The following SLIT2 variants were observed in gnomAD, a reference collection of about 807,000 sequenced individuals.
SLIT2 encodes slit guidance ligand 2.
SLIT2 carries 41 observed loss-of-function variants against 185.7 expected under a neutral mutation model. The ratio of observed to expected loss-of-function variants is 0.22; its 90% confidence interval spans 0.17 to 0.29. The LOEUF is 0.29. SLIT2 is among the 10% of genes least tolerant of loss of function. SLIT2 has a pLI of 1.00. For missense variants in SLIT2, 1,571 were observed against 1,909.0 expected (o/e 0.82, Z 3.30); for synonymous variants, 693 against 680.2 (o/e 1.02, Z -0.29).
Position 20,356,683 on chromosome 4 carries a change from C to G in SLIT2, c.395+87802C>G, listed in dbSNP as rs180774149. ...GTTAATCTTAGAAAAAGGATAAACA[C>G]ACACAGTGTATTTCTGCAGACTCCC... On this transcript the variant is annotated intron_variant, in intron 4 of 36. Transcript: ENST00000504154. 5.9e-5 allele frequency among the ~76,000 whole-genome samples: 9 copies of G among 152,296 alleles called. No homozygotes were observed. In the East Asian group the frequency reaches 1.7e-3, roughly 29 times the overall value.
At chr4:20,529,769 C>T (rs1288302236) in intron 16 of SLIT2, among the ~76,000 whole-genome samples, 1 of 152,178 alleles carries the variant, frequency 6.6e-6, no homozygotes, top group East Asian at 1.9e-4. Context: ...AAGAAGAGGA[C>T]CTTTAATGTT....
At chr4:20,352,730 T>G (rs1018297353) in intron 4 of SLIT2, among the ~76,000 whole-genome samples, 3 of 152,120 alleles carry the variant, frequency 2.0e-5, no homozygotes, top group African/African-American at 7.2e-5. Context: ...TGGCTCAACA[T>G]GGTGAAATCC....
chr4:20,272,285 AT>A (rs11335482), intron 4 of SLIT2, among the ~76,000 whole-genome samples: 5,466 of 151,352 alleles, frequency 0.036, 247 homozygotes, highest in East Asian at 0.1. Context: ...AAAAAAAAAA[AT>A]AAGCCAGCAT....
intron 4 of SLIT2, among the ~76,000 whole-genome samples, chr4:20,335,293 A>G (rs1720399936): frequency 6.6e-6 from 1 of 152,178 alleles, no homozygotes; most frequent in South Asian, 2.1e-4. Flanking sequence ...TGCAGGGTGA[A>G]GCCAAACAGA....
rs866029715 is a variant in SLIT2, at chr4:20,592,876, C to T, written c.3183-2821C>T. The stretch of plus-strand genomic sequence containing the variant: ...ACCAACTGGCTGCAAAGCAAGCATG[C>T]TTATGCAGTGAGCTCATTTTATTTC... On this transcript the variant is annotated intron_variant, in intron 30 of 36. Coordinates refer to ENST00000504154, the MANE Select transcript of SLIT2 (RefSeq NM_004787.4). 3.7e-4 allele frequency among the ~76,000 whole-genome samples: 57 copies of T among 152,266 alleles called. 1 individual carries two copies. Among genetic ancestry groups the T allele is most frequent in the Middle Eastern group, 6.8e-3 (2 of 294 alleles).
At chr4:20,417,425 T>C (rs1450076595) in intron 4 of SLIT2, among the ~76,000 whole-genome samples, 1 of 136,172 alleles carries the variant, frequency 7.3e-6, no homozygotes, top group Non-Finnish European at 1.6e-5. Flanking sequence ...ATCATATATA[T>C]ATGTGTGTGT....
chr4:20,340,796 T>C (rs1257874590), intron 4 of SLIT2, among the ~76,000 whole-genome samples: 1 of 151,980 alleles, frequency 6.6e-6, no homozygotes, highest in Non-Finnish European at 1.5e-5. Flanking sequence ...AGAGATGGGG[T>C]TTCATTCTAT....
At chr4:20,535,443 A>T (rs183475360) in intron 18 of SLIT2, among the ~76,000 whole-genome samples, 242 of 152,166 alleles carry the variant, frequency 1.6e-3, no homozygotes, top group Non-Finnish European at 3.1e-3. Context: ...CCCTTTTCAA[A>T]CAGCAGTTAA....
At chr4:20,403,690 G>A (rs1726532938) in intron 4 of SLIT2, among the ~76,000 whole-genome samples, 2 of 151,856 alleles carry the variant, frequency 1.3e-5, no homozygotes, top group Non-Finnish European at 2.9e-5. Context: ...ACTCTATTAG[G>A]CAAGAGTCGA....
intron 28 of SLIT2, 90 bp downstream of exon 28, chr4:20,567,705 C>G (rs1725220457): frequency 1.0e-6 from 1 of 975,538 alleles, no homozygotes; most frequent in South Asian, 1.4e-5. Context: ...AATCAAAGGA[C>G]AGTATTTTTC....
At chr4:20,551,322 C>T (rs1723729594) in intron 25 of SLIT2, among the ~76,000 whole-genome samples, 1 of 152,172 alleles carries the variant, frequency 6.6e-6, no homozygotes, top group Non-Finnish European at 1.5e-5. Flanking sequence ...TATTCAGCAT[C>T]AACTGTGGCA....
At chr4:20,478,478 G>A (rs939403078) in intron 5 of SLIT2, among the ~76,000 whole-genome samples, 9 of 152,184 alleles carry the variant, frequency 5.9e-5, no homozygotes, top group African/African-American at 1.9e-4. Context: ...GAAAGTAGTT[G>A]GCCTTCCATT....
intron 29 of SLIT2, chr4:20,573,112 G>C (rs1291331285): frequency 1.5e-6 from 1 of 682,820 alleles, no homozygotes; most frequent in Non-Finnish European, 2.7e-6. Context: ...TCCAAGCCTT[G>C]CTTCAGCTTG....
At chr4:20,331,427 A>G (rs1720059225) in intron 4 of SLIT2, among the ~76,000 whole-genome samples, 1 of 152,094 alleles carries the variant, frequency 6.6e-6, no homozygotes, top group Non-Finnish European at 1.5e-5. Context: ...AGAAAAGGAA[A>G]TTTTGTGTCC....
At chr4:20,499,846 C>T (rs888202036) in intron 9 of SLIT2, among the ~76,000 whole-genome samples, 3 of 152,054 alleles carry the variant, frequency 2.0e-5, no homozygotes, top group African/African-American at 7.2e-5. Context: ...TTGCCTTGAG[C>T]CTATTATGTA....
chr4:20,302,702 C>A (rs985085179), intron 4 of SLIT2, among the ~76,000 whole-genome samples: 2 of 152,068 alleles, frequency 1.3e-5, no homozygotes, highest in Non-Finnish European at 2.9e-5. Context: ...AATCCAGTGA[C>A]CAAGAGAGGA....
chr4:20,480,042 A>T (rs1401583551), intron 5 of SLIT2, among the ~76,000 whole-genome samples: 1 of 152,202 alleles, frequency 6.6e-6, no homozygotes, highest in Non-Finnish European at 1.5e-5. Context: ...CTTAACTCAA[A>T]AGTATGCTGT....
chr4:20,468,772 T>C (rs997820689), intron 5 of SLIT2, among the ~76,000 whole-genome samples: 2 of 152,068 alleles, frequency 1.3e-5, no homozygotes, highest in Non-Finnish European at 2.9e-5. Flanking sequence ...TTAATATTTC[T>C]TAGCTAGTAA....
intron 4 of SLIT2, among the ~76,000 whole-genome samples, chr4:20,281,998 T>G (rs1406499684): frequency 1.3e-5 from 2 of 152,224 alleles, no homozygotes; most frequent in Non-Finnish European, 2.9e-5. Flanking sequence ...ATAACTGTTG[T>G]TACCAACATT....
Sources: allele counts gnomAD v4.1 joint callset (sites outside exome capture counted in the v4.1 genomes callset), GRCh38; gene constraint gnomAD v4.1.1; transcripts MANE v1.5; gene names NCBI Gene and HGNC (gene_info 2026-07-23, HGNC 2026-07-21).